SCAPER: variants seen among roughly 807,000 people sequenced by gnomAD.
SCAPER encodes S phase cyclin A-associated protein in the endoplasmic reticulum.
SCAPER carries 98 observed loss-of-function variants against 182.2 expected under a neutral mutation model. The observed-to-expected ratio is 0.54, with a 90% CI of 0.46 to 0.64. SCAPER has a LOEUF of 0.64. Among genes scored for constraint, SCAPER ranks in the 30% least tolerant of loss-of-function variants. SCAPER has a pLI of 0.00. For missense variants in SCAPER, 1,432 were observed against 1,690.0 expected (o/e 0.85, Z 2.68); for synonymous variants, 605 against 564.6 (o/e 1.07, Z -1.01).
At chr15:76,889,247 T>A (rs774625479) in intron 1 of SCAPER, among the ~76,000 whole-genome samples, 4 of 152,180 alleles carry the variant, frequency 2.6e-5, no homozygotes, top group African/African-American at 4.8e-5. Flanking sequence ...AGACCATCGA[T>A]GCTATGAAGG....
At chr15:76,376,849 A>C (rs1331031917) in intron 28 of SCAPER, among the ~76,000 whole-genome samples, 3 of 152,226 alleles carry the variant, frequency 2.0e-5, no homozygotes, top group Admixed American at 1.3e-4. Flanking sequence ...GAATGTAAAA[A>C]AACAAAACAA....
intron 23 of SCAPER, among the ~76,000 whole-genome samples, chr15:76,572,911 TCTCTCTCTCACACACA>T (rs1313459519): frequency 1.8e-5 from 2 of 109,062 alleles, no homozygotes; most frequent in Non-Finnish European, 3.5e-5. Context: ...TCTCTCTCTC[TCTCTCTCTCACACACA>T]CACACACACA....
chr15:76,558,069 C>T (rs180857802), intron 23 of SCAPER, among the ~76,000 whole-genome samples: 1 of 152,112 alleles, frequency 6.6e-6, no homozygotes, highest in Admixed American at 6.5e-5. Flanking sequence ...TAGGACATAC[C>T]CTTCTGGACA....
In SCAPER at chr15:76,573,906, A is replaced by G. The variant is rs138963674; in HGVS notation, c.2838+252T>C. Among the ~76,000 whole-genome samples, 105 of 152,210 alleles carry G rather than the reference A, an allele frequency of 6.9e-4. 2 individuals are homozygous for G. In the East Asian group the frequency reaches 0.017, roughly 25 times the overall value. On this transcript the variant is annotated intron_variant, in intron 23 of 31. Coordinates refer to ENST00000563290, the MANE Select transcript of SCAPER (RefSeq NM_020843.4). ...ATTCCTGACAAAATAATTTCAGTTTATTTGTGTGAGGAAAACATGACTGAG... is the reference window on the plus strand; with the variant it reads ...ATTCCTGACAAAATAATTTCAGTTTGTTTGTGTGAGGAAAACATGACTGAG...
rs939661682 is a variant in SCAPER, at chr15:76,652,431, C to CACT, written c.2645+13219_2645+13221dup. Among the ~76,000 whole-genome samples, 18 of 102,836 alleles carry CACT rather than the reference C, an allele frequency of 1.8e-4. No homozygotes were observed. In the East Asian group the frequency reaches 5.1e-3, roughly 29 times the overall value. The allele number at this position is 102,836 out of a possible 152,430, so 67.5% of individuals were successfully genotyped here. A position where few individuals can be genotyped will look rare whatever the true frequency, so the allele number is the denominator to read the frequency against. ...CTTTGGAAGGCTGAGGCAGGTGGAT[C>CACT]ACTTGAGGTCAGAAGTTCGAAACCA... On this transcript the variant is annotated intron_variant, in intron 21 of 31. Coordinates refer to ENST00000563290, the MANE Select transcript of SCAPER (RefSeq NM_020843.4).
chr15:76,725,707 A>G (rs1377505762), intron 17 of SCAPER, among the ~76,000 whole-genome samples: 1 of 152,086 alleles, frequency 6.6e-6, no homozygotes. Flanking sequence ...TGTAAGTCAA[A>G]TAATTTCAAC....
chr15:76,425,648 G>A (rs11639345), intron 26 of SCAPER, among the ~76,000 whole-genome samples: 10,872 of 152,160 alleles, frequency 0.071, 544 homozygotes, highest in Non-Finnish European at 0.11. Flanking sequence ...GCTTTTTTCC[G>A]TTGCTGATGA....
chr15:76,773,561 T>C (rs993198772), intron 9 of SCAPER, among the ~76,000 whole-genome samples: 1 of 151,928 alleles, frequency 6.6e-6, no homozygotes, highest in Non-Finnish European at 1.5e-5. Context: ...TACCAATTAC[T>C]TCCTATGCGT....
chr15:76,857,560 A>G (rs2071500853), intron 4 of SCAPER, among the ~76,000 whole-genome samples: 1 of 152,212 alleles, frequency 6.6e-6, no homozygotes, highest in Non-Finnish European at 1.5e-5. Context: ...ACAAAACTTC[A>G]ATGTAAGTGA....
chr15:76,761,553 T>C (rs557703792), intron 14 of SCAPER, among the ~76,000 whole-genome samples: 61 of 152,316 alleles, frequency 4.0e-4, no homozygotes, highest in African/African-American at 1.4e-3. Flanking sequence ...TTTTACCAAA[T>C]AGTTGTTCAA....
intron 5 of SCAPER, among the ~76,000 whole-genome samples, chr15:76,809,425 A>G (rs1338699216): frequency 6.6e-6 from 1 of 152,180 alleles, no homozygotes; most frequent in African/African-American, 2.4e-5. Context: ...TACAAAAAGT[A>G]CCAAACAGAG....
At chr15:76,865,664 A>G (rs912222439) in intron 2 of SCAPER, among the ~76,000 whole-genome samples, 2 of 152,146 alleles carry the variant, frequency 1.3e-5, no homozygotes, top group Admixed American at 6.6e-5. Context: ...TCTGTGAGTG[A>G]CAGGAAACAG....
At chr15:76,418,194 G>C (rs929710826) in intron 26 of SCAPER, among the ~76,000 whole-genome samples, 12 of 152,138 alleles carry the variant, frequency 7.9e-5, no homozygotes, top group African/African-American at 2.9e-4. Context: ...TACTAGAGGG[G>C]CAGCAAAATC....
At position 76,476,506 on chromosome 15, in the gene SCAPER, G is replaced by T. The variant is rs1489964667; in HGVS notation, c.2955-5171C>A. On this transcript the variant is annotated intron_variant, in intron 24 of 31. Transcript: ENST00000563290. ...TGCAGTGGCATGATCATAGCTCAATGCAGCCTGAAACTCCTAGGCTCAAGT... is the reference window on the plus strand; with the variant it reads ...TGCAGTGGCATGATCATAGCTCAATTCAGCCTGAAACTCCTAGGCTCAAGT... 3.3e-5 allele frequency among the ~76,000 whole-genome samples: 5 copies of T among 151,454 alleles called. No individual in the cohort carries two copies. In the East Asian group the frequency reaches 9.7e-4, roughly 29 times the overall value.
intron 23 of SCAPER, among the ~76,000 whole-genome samples, chr15:76,510,338 A>T (rs2041920454): frequency 6.6e-6 from 1 of 152,210 alleles, no homozygotes; most frequent in South Asian, 2.1e-4. Flanking sequence ...CCAACAAAGG[A>T]CTAATATCTA....
Position 76,466,419 on chromosome 15 carries a change from C to CTTTTTTTTTTT in SCAPER, c.3078+4782_3078+4792dup. 4.9e-3 allele frequency among the ~76,000 whole-genome samples: 185 copies of CTTTTTTTTTTT among 37,382 alleles called. 11 individuals carry two copies. Among genetic ancestry groups the CTTTTTTTTTTT allele is most frequent in the Non-Finnish European group, 8.1e-3 (149 of 18,500 alleles). The allele number at this position is 37,382 out of a possible 152,430, so 24.5% of individuals were successfully genotyped here. On this transcript the variant is annotated intron_variant, in intron 25 of 31. Transcript: ENST00000563290. Reference sequence around the variant, plus strand: ...TCAGTTCCAAAATTGGTTGGTTCTTCTTTTTTTTTTTTTTTTTTTTTTTGT... The same window carrying CTTTTTTTTTTT: ...TCAGTTCCAAAATTGGTTGGTTCTTCTTTTTTTTTTTTTTTTTTTTTTTTTTTTTTTTTTGT...
At chr15:76,457,254 G>C (rs1247135447) in intron 25 of SCAPER, among the ~76,000 whole-genome samples, 5 of 152,074 alleles carry the variant, frequency 3.3e-5, no homozygotes, top group African/African-American at 1.2e-4. Context: ...TAGTAGAGAA[G>C]GGGTTTCACT....
intron 23 of SCAPER, among the ~76,000 whole-genome samples, chr15:76,547,848 CTTGT>C (rs1238099630): frequency 2.0e-5 from 3 of 152,042 alleles, no homozygotes; most frequent in Non-Finnish European, 4.4e-5. Context: ...TTTAAAAAGT[CTTGT>C]TTATTTCTTC....
chr15:76,823,581 C>T (rs536110069), intron 5 of SCAPER, among the ~76,000 whole-genome samples: 20 of 151,858 alleles, frequency 1.3e-4, no homozygotes, highest in Middle Eastern at 3.4e-3. Context: ...TGAATATATG[C>T]CAAATTATTC....
Sources: gnomAD v4.1 joint callset for allele counts (sites outside exome capture counted in the v4.1 genomes callset) on GRCh38, gnomAD v4.1.1 for gene constraint, MANE v1.5 for transcripts, NCBI Gene and HGNC (gene_info 2026-07-23, HGNC 2026-07-21) for gene names.